The following IL1RAPL2 variants were observed in gnomAD, a reference collection of about 807,000 sequenced individuals.
The protein encoded by IL1RAPL2 is interleukin 1 receptor accessory protein like 2.
A neutral mutation model predicts 44.1 loss-of-function variants in IL1RAPL2; 3 were observed. The observed-to-expected ratio is 0.07, with a 90% CI of 0.03 to 0.18. IL1RAPL2 has a LOEUF of 0.18. Among genes scored for constraint, IL1RAPL2 ranks in the 10% least tolerant of loss-of-function variants. The probability of loss-of-function intolerance (pLI) is 1.00; values close to 1 mark genes in which losing one functional copy is unlikely to be tolerated. For missense variants in IL1RAPL2, 391 were observed against 496.4 expected, an observed-to-expected ratio of 0.79 and a Z score of 2.02; for synonymous variants, 181 against 178.8, an observed-to-expected ratio of 1.01 and a Z score of -0.10.
At chrX:105,447,824 A>C (rs2035982670) in intron 5 of IL1RAPL2, among the ~76,000 whole-genome samples, 1 of 92,065 alleles carries the variant, frequency 1.1e-5, no homozygotes, top group African/African-American at 4.0e-5. Flanking sequence ...ATATAAATAT[A>C]TATAAATATA....
intron 6 of IL1RAPL2, among the ~76,000 whole-genome samples, chrX:105,485,546 A>G (rs771718262): frequency 3.2e-4 from 36 of 111,411 alleles, no homozygotes; most frequent in African/African-American, 1.1e-3. Context: ...TAAATACTAG[A>G]TCTTACTGAT....
intron 6 of IL1RAPL2, among the ~76,000 whole-genome samples, chrX:105,601,022 T>C (rs2037248026): frequency 8.9e-6 from 1 of 111,853 alleles, no homozygotes; most frequent in African/African-American, 3.2e-5. Context: ...ATGGGCATCT[T>C]TTTAATATAT....
intron 6 of IL1RAPL2, among the ~76,000 whole-genome samples, chrX:105,592,949 C>T (rs892786780): frequency 4.5e-5 from 5 of 111,544 alleles, no homozygotes; most frequent in Non-Finnish European, 9.4e-5. Context: ...GGATTCTCTG[C>T]ATTTCTTGAA....
chrX:104,635,894 A>G (rs1434438793), intron 1 of IL1RAPL2, among the ~76,000 whole-genome samples: 1 of 111,918 alleles, frequency 8.9e-6, no homozygotes, highest in Admixed American at 9.5e-5. Flanking sequence ...GAGGAGCTGC[A>G]TTCCTTTGGA....
chrX:105,711,075 T>A (rs2038206280), intron 6 of IL1RAPL2, among the ~76,000 whole-genome samples: 1 of 109,384 alleles, frequency 9.1e-6, no homozygotes, highest in African/African-American at 3.3e-5. Context: ...TTTCTCTCCC[T>A]CTCAGTGAAG....
At chrX:105,607,807 A>G (rs1428551270) in intron 6 of IL1RAPL2, among the ~76,000 whole-genome samples, 1 of 110,352 alleles carries the variant, frequency 9.1e-6, no homozygotes, top group Non-Finnish European at 1.9e-5. Flanking sequence ...TTTTGAGGGC[A>G]GAGAAGAAGA....
chrX:105,297,923 C>T (rs1020348074), intron 5 of IL1RAPL2, among the ~76,000 whole-genome samples: 1 of 110,921 alleles, frequency 9.0e-6, no homozygotes, highest in African/African-American at 3.3e-5. Flanking sequence ...ATCATTTTCT[C>T]TATGTGTGTG....
At chrX:104,612,483 G>T (rs1929182812) in intron 1 of IL1RAPL2, among the ~76,000 whole-genome samples, 1 of 111,526 alleles carries the variant, frequency 9.0e-6, no homozygotes, top group African/African-American at 3.3e-5. Context: ...TCAAAGATCA[G>T]ATTTGGTGCG....
At chrX:105,764,820 AT>A (rs2038716848) in intron 10 of IL1RAPL2, among the ~76,000 whole-genome samples, 2 of 111,465 alleles carry the variant, frequency 1.8e-5, no homozygotes, top group East Asian at 5.6e-4. Context: ...AAATAAAAAA[AT>A]AAAATAAAAG....
chrX:105,612,753 G>A (rs779204353), intron 6 of IL1RAPL2, among the ~76,000 whole-genome samples: 1 of 111,888 alleles, frequency 8.9e-6, no homozygotes, highest in South Asian at 3.8e-4. Flanking sequence ...AAAGCAAAAC[G>A]AGGCTGAACT....
intron 6 of IL1RAPL2, among the ~76,000 whole-genome samples, chrX:105,650,340 A>C (rs1569461813): frequency 8.9e-6 from 1 of 111,758 alleles, no homozygotes; most frequent in Non-Finnish European, 1.9e-5. Flanking sequence ...GTAATGGAGG[A>C]CGATGGCACT....
At chrX:105,025,177 G>A (rs1266659656) in intron 2 of IL1RAPL2, among the ~76,000 whole-genome samples, 3 of 110,910 alleles carry the variant, frequency 2.7e-5, no homozygotes, top group Admixed American at 9.6e-5. Context: ...AGAAAAGAGG[G>A]AAGTTTCAAA....
intron 6 of IL1RAPL2, among the ~76,000 whole-genome samples, chrX:105,518,575 A>G (rs772432839): frequency 8.9e-6 from 1 of 111,732 alleles, no homozygotes; most frequent in South Asian, 3.7e-4. Flanking sequence ...GCTTTGCAGC[A>G]TATCTTGCTT....
chrX:105,120,105 T>C (rs1365370434), intron 2 of IL1RAPL2, among the ~76,000 whole-genome samples: 2 of 109,041 alleles, frequency 1.8e-5, no homozygotes. Context: ...ATTTTGATGC[T>C]CTACTGATGA....
chrX:104,999,494 T>A (rs1487479477), intron 2 of IL1RAPL2, among the ~76,000 whole-genome samples: 2 of 111,959 alleles, frequency 1.8e-5, no homozygotes, highest in Non-Finnish European at 3.8e-5. Flanking sequence ...TGCACAGTTG[T>A]ATGGTCTCCA....
At chrX:105,700,420 TC>T (rs1251102475) in intron 6 of IL1RAPL2, among the ~76,000 whole-genome samples, 1 of 112,094 alleles carries the variant, frequency 8.9e-6, no homozygotes, top group Non-Finnish European at 1.9e-5. Flanking sequence ...AAAAACAATT[TC>T]CCTAAATAAC....
intron 5 of IL1RAPL2, among the ~76,000 whole-genome samples, chrX:105,290,740 A>G (rs1409539034): frequency 2.7e-5 from 3 of 111,478 alleles, no homozygotes; most frequent in African/African-American, 9.8e-5. Flanking sequence ...AAGTTACAGT[A>G]TTGAGTCTTT....
At chrX:105,766,540 AAAATT>A (rs1401993890) in intron 10 of IL1RAPL2, among the ~76,000 whole-genome samples, 2 of 111,504 alleles carry the variant, frequency 1.8e-5, no homozygotes, top group Admixed American at 9.6e-5. Context: ...TAATAAAAAT[AAAATT>A]AAAGAAGAAA....
chrX:105,515,948 G>C (rs138888691), intron 6 of IL1RAPL2, among the ~76,000 whole-genome samples: 1,668 of 111,826 alleles, frequency 0.015, 12 homozygotes, highest in South Asian at 0.058. Context: ...GTAATGAGAA[G>C]ATTCTGGGCT....
Sources: allele counts gnomAD v4.1 joint callset (sites outside exome capture counted in the v4.1 genomes callset), GRCh38; gene constraint gnomAD v4.1.1; transcripts MANE v1.5; gene names NCBI Gene and HGNC (gene_info 2026-07-23, HGNC 2026-07-21).